The following CAAP1 variants were observed in gnomAD, a reference collection of about 807,000 sequenced individuals.
CAAP1 encodes conserved anti-apoptotic protein.
A neutral mutation model predicts 34.0 loss-of-function variants in CAAP1; 20 were observed. That is an observed-to-expected ratio of 0.59 (90% CI 0.41 to 0.86). CAAP1 has a LOEUF of 0.86. Ranked by LOEUF, CAAP1 falls within the 40% of genes least tolerant of loss-of-function variation. The pLI, the probability that CAAP1 is intolerant of heterozygous loss-of-function variation, is 0.00. For missense variants in CAAP1, 538 were observed against 450.5 expected (o/e 1.19, Z -1.76); for synonymous variants, 213 against 166.7 (o/e 1.28, Z -2.14).
At chr9:26,860,848 A>T (rs1822987114) in intron 5 of CAAP1, among the ~76,000 whole-genome samples, 1 of 152,190 alleles carries the variant, frequency 6.6e-6, no homozygotes, top group African/African-American at 2.4e-5. Flanking sequence ...ACTATTCAAG[A>T]TGATAATTCT....
At chr9:26,861,345 CA>C (rs1246207556) in intron 4 of CAAP1, among the ~76,000 whole-genome samples, 10 of 152,082 alleles carry the variant, frequency 6.6e-5, no homozygotes, top group Admixed American at 6.6e-4. Flanking sequence ...GCAATTTAAG[CA>C]GTATACTTCT....
At chr9:26,892,307 T>G (rs1416642685) in intron 1 of CAAP1, 106 bp downstream of exon 1, 1 of 1,542,306 alleles carries the variant, frequency 6.5e-7, no homozygotes, top group Non-Finnish European at 8.7e-7. Context: ...ACCTTGAGAT[T>G]GCCGCGCTAG....
chr9:26,858,784 C>G (rs2131307497), intron 5 of CAAP1, among the ~76,000 whole-genome samples: 1 of 143,554 alleles, frequency 7.0e-6, no homozygotes. Context: ...TATTGCACCA[C>G]TGCACTCCAG....
In CAAP1 at chr9:26,842,494, A is replaced by G; in HGVS notation, c.893T>C (p.Ile298Thr). 6.2e-7 allele frequency: 1 copy of G among 1,614,028 alleles called. No individual in the cohort carries two copies. The change falls in exon 6 of 6, where the codon ATT becomes ACT. Residue 298 changes from isoleucine to threonine, a missense_variant. Ile to Thr is a moderately conservative substitution (Grantham distance 89, BLOSUM62 -1). This residue lies in a region of CAAP1 where 514 missense variants were observed against 408.4 expected (regional missense o/e 1.26). Transcript: ENST00000333916. ...TAGAATCTCATTCACACTTTTCTCA[A>G]TGTCTTTCTCCAGGTCATCTATCTG... Reference protein sequence around the residue: ...AGQIDDLEKDIEKSVNEILGL... With the variant: ...AGQIDDLEKDTEKSVNEILGL...
At position 26,842,308 on chromosome 9, in the gene CAAP1, G is replaced by A; in HGVS notation, c.1079C>T (p.Pro360Leu). 6.4e-7 allele frequency: 1 copy of A among 1,564,566 alleles called. No individual in the cohort carries two copies. The highest frequency in any genetic ancestry group is 8.6e-7 in the Non-Finnish European group (1 of 1,157,846). ...ALMKAGDIKKPA is the reference protein window; with the variant it reads ...ALMKAGDIKKLA ...CAAAATCAAGTTAAATACCTAGGCT[G>A]GCTTTTTTATATCACCAGCTTTCAT... The change falls in exon 6 of 6, where the codon CCA becomes CTA. Residue 360 changes from proline (P) to leucine (L), a missense_variant. This residue lies in a region of CAAP1 where 18 missense variants were observed against 22.3 expected (regional missense o/e 0.81). Transcript: ENST00000333916.
In CAAP1 at chr9:26,842,634, A is replaced by G; in HGVS notation, c.753T>C (p.Asp251=). Residue 251 remains aspartate, a synonymous_variant, in exon 6 of 6, where the codon GAT becomes GAC. Transcript: ENST00000333916. The part of the protein sequence containing the change: ...GLELKQGKGE[D]SDVLSINADA... ...CTGCATTTATACTGAGTACATCACT[A>G]TCTTCCCCTTTTCCTGTAACCAAAA... The G allele has an allele frequency of 6.3e-7, 1 of 1,598,424 alleles. No homozygotes were observed. The highest frequency in any genetic ancestry group is 8.5e-7 in the Non-Finnish European group (1 of 1,172,760).
intron 5 of CAAP1, among the ~76,000 whole-genome samples, chr9:26,856,715 T>C (rs1437598783): frequency 1.3e-5 from 2 of 152,222 alleles, no homozygotes; most frequent in South Asian, 4.1e-4. Flanking sequence ...TATCTATTGG[T>C]TCTATTTTTT....
At chr9:26,864,098 C>T (rs1358793086) in intron 4 of CAAP1, among the ~76,000 whole-genome samples, 2 of 152,096 alleles carry the variant, frequency 1.3e-5, no homozygotes, top group Non-Finnish European at 2.9e-5. Context: ...TCTCCTATCT[C>T]CAACACTCCT....
At position 26,842,568 on chromosome 9, in the gene CAAP1, T is replaced by A; in HGVS notation, c.819A>T (p.Glu273Asp). The change falls in exon 6 of 6, where the codon GAA (glutamate) becomes GAT (aspartate). Residue 273 changes from glutamate (E) to aspartate (D), a missense_variant. This residue lies in a region of CAAP1 where 514 missense variants were observed against 408.4 expected (regional missense o/e 1.26). Transcript: ENST00000333916. ...TTTCTGGTGCCTCGGGAGCAGCTGCTTCTTCGTTGCATGGGCCTTCTATGT... is the reference window on the plus strand; with the variant it reads ...TTTCTGGTGCCTCGGGAGCAGCTGCATCTTCGTTGCATGGGCCTTCTATGT... ...DSDIEGPCNEEAAAPEAPENT... is the reference protein window; with the variant it reads ...DSDIEGPCNEDAAAPEAPENT... 1 of 1,614,216 alleles carries A rather than the reference T, an allele frequency of 6.2e-7. No individual in the cohort carries two copies. The highest frequency in any genetic ancestry group is 8.5e-7 in the Non-Finnish European group (1 of 1,180,046).
intron 1 of CAAP1, among the ~76,000 whole-genome samples, chr9:26,890,187 T>C (rs753477642): frequency 6.6e-6 from 1 of 151,764 alleles, no homozygotes; most frequent in African/African-American, 2.4e-5. Flanking sequence ...CTGACCAACA[T>C]GGTGAAAACC....
At chr9:26,845,426 A>G (rs2131293190) in intron 5 of CAAP1, among the ~76,000 whole-genome samples, 1 of 152,308 alleles carries the variant, frequency 6.6e-6, no homozygotes, top group Non-Finnish European at 1.5e-5. Context: ...CCCAGGCTGG[A>G]ATGCAGTGGC....
chr9:26,852,877 C>T (rs1587093108), intron 5 of CAAP1, among the ~76,000 whole-genome samples: 1 of 152,156 alleles, frequency 6.6e-6, no homozygotes. Context: ...GCATGGAAGA[C>T]CCATATGGTT....
At chr9:26,857,694 C>T (rs1402311861) in intron 5 of CAAP1, among the ~76,000 whole-genome samples, 1 of 152,122 alleles carries the variant, frequency 6.6e-6, no homozygotes, top group African/African-American at 2.4e-5. Context: ...TACTACAGTA[C>T]CAATCATTGA....
intron 5 of CAAP1, among the ~76,000 whole-genome samples, chr9:26,849,547 C>G (rs1194320054): frequency 6.6e-6 from 1 of 152,028 alleles, no homozygotes; most frequent in Non-Finnish European, 1.5e-5. Flanking sequence ...CTCTAGTTAA[C>G]AGTCTGAATT....
chr9:26,865,989 G>A (rs2131316215), intron 4 of CAAP1, among the ~76,000 whole-genome samples: 1 of 152,214 alleles, frequency 6.6e-6, no homozygotes, highest in East Asian at 1.9e-4. Context: ...TGGGATTACA[G>A]ACACATACCA....
intron 4 of CAAP1, among the ~76,000 whole-genome samples, chr9:26,878,618 C>T (rs549831384): frequency 6.6e-6 from 1 of 152,132 alleles, no homozygotes; most frequent in Non-Finnish European, 1.5e-5. Context: ...CTCCATCTTC[C>T]TCCACTTCCA....
intron 4 of CAAP1, among the ~76,000 whole-genome samples, chr9:26,871,356 C>T (rs1025627381): frequency 5.3e-5 from 8 of 151,978 alleles, no homozygotes; most frequent in African/African-American, 1.9e-4. Flanking sequence ...GGAGGGCAGA[C>T]CACCTGAGTT....
At chr9:26,854,736 A>G (rs769265943) in intron 5 of CAAP1, among the ~76,000 whole-genome samples, 1 of 152,238 alleles carries the variant, frequency 6.6e-6, no homozygotes, top group Admixed American at 6.5e-5. Context: ...TAAAATGCAC[A>G]AATGATCTGA....
intron 4 of CAAP1, among the ~76,000 whole-genome samples, chr9:26,861,468 A>G (rs1395531839): frequency 1.3e-5 from 2 of 152,180 alleles, no homozygotes; most frequent in Non-Finnish European, 2.9e-5. Flanking sequence ...AGTATCCAAT[A>G]ATTTTTCAAG....
Sources: gnomAD v4.1 joint callset for allele counts (sites outside exome capture counted in the v4.1 genomes callset) on GRCh38, gnomAD v4.1.1 for gene constraint, gnomAD v4.1.1 regional missense constraint, MANE v1.5 for transcripts, NCBI Gene and HGNC (gene_info 2026-07-23, HGNC 2026-07-21) for gene names.